TP63: variants seen among roughly 807,000 people sequenced by gnomAD.
TP63 encodes the protein tumor protein p63.
A neutral mutation model predicts 82.8 loss-of-function variants in TP63; 17 were observed. That is an observed-to-expected ratio of 0.21 (90% CI 0.14 to 0.31). TP63 has a LOEUF of 0.31. Ranked by LOEUF, TP63 falls within the 10% of genes least tolerant of loss-of-function variation. The pLI is 1.00. For synonymous variants in TP63, 330 were observed against 321.7 expected, an observed-to-expected ratio of 1.03 and a Z score of -0.28; for missense variants, 648 against 895.3, an observed-to-expected ratio of 0.72 and a Z score of 3.52.
At chr3:189,880,283 A>T in intron 10 of TP63, 1 of 1,372,578 alleles carries the variant, frequency 7.3e-7, no homozygotes, top group East Asian at 2.5e-5. Context: ...CATAAACAGG[A>T]CTTGAAGACA....
At chr3:189,781,885 T>G (rs1055862446) in intron 3 of TP63, among the ~76,000 whole-genome samples, 1 of 152,166 alleles carries the variant, frequency 6.6e-6, no homozygotes, top group Non-Finnish European at 1.5e-5. Context: ...TCTGTCTTCA[T>G]CAATAGTAAA....
chr3:189,865,024 G>GA (rs60262307), intron 5 of TP63, among the ~76,000 whole-genome samples: 36 of 150,340 alleles, frequency 2.4e-4, no homozygotes, highest in Non-Finnish European at 3.4e-4. Context: ...AAAAATAAAT[G>GA]AAAAAAAAAT....
At chr3:189,680,226 C>T (rs1715792298) in intron 1 of TP63, among the ~76,000 whole-genome samples, 2 of 152,028 alleles carry the variant, frequency 1.3e-5, no homozygotes, top group African/African-American at 4.8e-5. Flanking sequence ...AATTCATGAA[C>T]ATGGGATATA....
chr3:189,794,069 C>CT (rs1482651297), intron 3 of TP63, among the ~76,000 whole-genome samples: 1 of 151,958 alleles, frequency 6.6e-6, no homozygotes, highest in African/African-American at 2.4e-5. Context: ...TGAAATGTGG[C>CT]TTATTAATGG....
intron 1 of TP63, among the ~76,000 whole-genome samples, chr3:189,705,864 A>G (rs1375397232): frequency 6.6e-6 from 1 of 152,190 alleles, no homozygotes; most frequent in Non-Finnish European, 1.5e-5. Flanking sequence ...TGAGGGAGAA[A>G]GTATCAGTCT....
chr3:189,625,962 C>G, the TP63 span, among the ~76,000 whole-genome samples: 132,425 of 152,132 alleles, frequency 0.87, 58,850 homozygotes, highest in East Asian at 1. Context: ...CTCTTTCCTT[C>G]GGACACTCCC....
intron 4 of TP63, among the ~76,000 whole-genome samples, chr3:189,835,161 T>C (rs1050767524): frequency 6.6e-6 from 1 of 152,192 alleles, no homozygotes; most frequent in African/African-American, 2.4e-5. Flanking sequence ...AAAATCTTCT[T>C]AACTTTATAT....
chr3:189,729,256 A>G (rs2108781017), intron 1 of TP63, among the ~76,000 whole-genome samples: 1 of 152,352 alleles, frequency 6.6e-6, no homozygotes, highest in Middle Eastern at 3.4e-3. Flanking sequence ...AGAGAATTTC[A>G]TAATTGAGAG....
chr3:189,627,175 A>G (rs1013925756), upstream of TP63, among the ~76,000 whole-genome samples: 2 of 152,180 alleles, frequency 1.3e-5, no homozygotes, highest in African/African-American at 4.8e-5. Flanking sequence ...TCTTGGAAGA[A>G]AGAAGCTACT....
At position 189,717,641 on chromosome 3, in the gene TP63, C is replaced by T. The variant is rs141825392; in HGVS notation, c.63-20099C>T. Among the ~76,000 whole-genome samples the T allele has an allele frequency of 6.9e-3, 1,047 of 152,308 alleles. 13 individuals carry two copies. The highest frequency in any genetic ancestry group is 0.023 in the African/African-American group (975 of 41,564). ...GACATCCTGATTAAATGAAGTTGGT[C>T]TCATTAACCAAAAGTAATCATGCTT... is the stretch of plus-strand genomic sequence containing the variant. On this transcript the variant is annotated intron_variant, in intron 1 of 13. Transcript: ENST00000264731.
At chr3:189,751,671 GT>G (rs553157112) in intron 3 of TP63, among the ~76,000 whole-genome samples, 2 of 152,062 alleles carry the variant, frequency 1.3e-5, no homozygotes, top group Non-Finnish European at 1.5e-5. Flanking sequence ...GGGGTTGTTT[GT>G]TTTTTTCTTG....
chr3:189,795,713 T>C (rs1725625055), intron 3 of TP63, among the ~76,000 whole-genome samples: 1 of 152,062 alleles, frequency 6.6e-6, no homozygotes, highest in African/African-American at 2.4e-5. Context: ...TTAATTGGAA[T>C]ATTGATCTCA....
At chr3:189,874,399 G>A (rs903136707) in intron 10 of TP63, among the ~76,000 whole-genome samples, 1 of 152,084 alleles carries the variant, frequency 6.6e-6, no homozygotes, top group African/African-American at 2.4e-5. Flanking sequence ...CAATATGAAT[G>A]TATCTCTGAT....
intron 4 of TP63, among the ~76,000 whole-genome samples, chr3:189,816,227 G>A (rs1017723749): frequency 3.9e-5 from 6 of 152,204 alleles, no homozygotes; most frequent in East Asian, 3.8e-4. Flanking sequence ...AGAAAATAAT[G>A]TCATAAGAAC....
intron 1 of TP63, among the ~76,000 whole-genome samples, chr3:189,727,865 T>C (rs1719881054): frequency 1.3e-5 from 2 of 152,252 alleles, no homozygotes; most frequent in South Asian, 4.1e-4. Context: ...TGTTACTGTG[T>C]TTGCATGCTA....
intron 1 of TP63, among the ~76,000 whole-genome samples, chr3:189,662,657 A>G (rs994849635): frequency 6.6e-6 from 1 of 152,060 alleles, no homozygotes; most frequent in African/African-American, 2.4e-5. Context: ...CTGTGTTTCA[A>G]ATATATAGTA....
At chr3:189,656,843 A>C (rs1326626431) in intron 1 of TP63, among the ~76,000 whole-genome samples, 2 of 152,082 alleles carry the variant, frequency 1.3e-5, no homozygotes, top group Non-Finnish European at 2.9e-5. Flanking sequence ...TGTCTCCAAA[A>C]CAGAAAGAAG....
chr3:189,625,291 T>C, the TP63 span, among the ~76,000 whole-genome samples: 1 of 152,184 alleles, frequency 6.6e-6, no homozygotes, highest in Non-Finnish European at 1.5e-5. Context: ...CCTGATATGA[T>C]GCACTGAGAT....
At chr3:189,663,774 C>T (rs1281996325) in intron 1 of TP63, among the ~76,000 whole-genome samples, 2 of 151,952 alleles carry the variant, frequency 1.3e-5, no homozygotes, top group African/African-American at 2.4e-5. Flanking sequence ...GTGATCCTCC[C>T]ACCTCAGACT....
Sources: allele counts gnomAD v4.1 joint callset (sites outside exome capture counted in the v4.1 genomes callset), GRCh38; gene constraint gnomAD v4.1.1; transcripts MANE v1.5; gene names NCBI Gene and HGNC (gene_info 2026-07-23, HGNC 2026-07-21).